Variants in VRK1 observed in about 807,000 individuals in gnomAD.
VRK1 encodes VRK serine/threonine kinase 1, also known as serine/threonine-protein kinase VRK1.
A neutral mutation model predicts 57.1 loss-of-function variants in VRK1; 33 were observed. That is an observed-to-expected ratio of 0.58 (90% CI 0.44 to 0.77). The LOEUF (loss-of-function observed/expected upper bound fraction) is 0.77. Ranked by LOEUF, VRK1 falls within the 30% of genes least tolerant of loss-of-function variation. The pLI is 0.00. For synonymous variants in VRK1, 137 were observed against 147.8 expected, an observed-to-expected ratio of 0.93 and a Z score of 0.53; for missense variants, 413 against 477.3, an observed-to-expected ratio of 0.87 and a Z score of 1.25.
chr14:96,849,399 C>T (rs1209782205), intron 5 of VRK1, among the ~76,000 whole-genome samples: 2 of 151,798 alleles, frequency 1.3e-5, no homozygotes, highest in African/African-American at 4.8e-5. Flanking sequence ...CATTTTTAGA[C>T]TTGGAATAAC....
At chr14:96,868,841 T>G (rs1164728702) in intron 11 of VRK1, among the ~76,000 whole-genome samples, 1 of 151,028 alleles carries the variant, frequency 6.6e-6, no homozygotes, top group Admixed American at 6.6e-5. Flanking sequence ...TTGCTCTTGT[T>G]GCCCAGGCTG....
chr14:96,844,833 C>A (rs1199364791), intron 3 of VRK1, among the ~76,000 whole-genome samples: 1 of 152,190 alleles, frequency 6.6e-6, no homozygotes, highest in Admixed American at 6.5e-5. Flanking sequence ...AGGCATGAGC[C>A]ACTATGCCAG....
chr14:96,875,306 C>T (rs11160372), intron 11 of VRK1, among the ~76,000 whole-genome samples: 2,105 of 152,150 alleles, frequency 0.014, 55 homozygotes, highest in African/African-American at 0.048. Flanking sequence ...TGGATGGTGA[C>T]AGAATATAAG....
chr14:96,802,259 G>A (rs779084388), intron 1 of VRK1, among the ~76,000 whole-genome samples: 10 of 152,096 alleles, frequency 6.6e-5, no homozygotes, highest in Non-Finnish European at 1.2e-4. Flanking sequence ...GCACTCCTGA[G>A]CCTTTATCCT....
intron 1 of VRK1, among the ~76,000 whole-genome samples, chr14:96,820,317 T>C (rs1427405394): frequency 6.6e-6 from 1 of 152,180 alleles, no homozygotes; most frequent in Non-Finnish European, 1.5e-5. Flanking sequence ...GCTGAATGAC[T>C]GTAGAATGGT....
At chr14:96,824,888 C>T (rs892514366) in intron 1 of VRK1, among the ~76,000 whole-genome samples, 12 of 151,988 alleles carry the variant, frequency 7.9e-5, no homozygotes, top group African/African-American at 2.4e-4. Flanking sequence ...CTCCTGACCT[C>T]GTGATCCACC....
At chr14:96,873,415 A>G (rs1351867544) in intron 11 of VRK1, among the ~76,000 whole-genome samples, 4 of 152,182 alleles carry the variant, frequency 2.6e-5, no homozygotes, top group Admixed American at 6.5e-5. Flanking sequence ...TGTGTAATAT[A>G]TATGCTGGTG....
intron 11 of VRK1, among the ~76,000 whole-genome samples, chr14:96,870,502 T>G (rs1213624885): frequency 6.6e-6 from 1 of 152,158 alleles, no homozygotes; most frequent in African/African-American, 2.4e-5. Context: ...TAGAATACAC[T>G]GACATATTAG....
At chr14:96,816,353 T>C (rs894040391) in intron 1 of VRK1, among the ~76,000 whole-genome samples, 2 of 152,208 alleles carry the variant, frequency 1.3e-5, no homozygotes, top group Non-Finnish European at 2.9e-5. Context: ...TGACTACCGC[T>C]GCTTTACCCA....
chr14:96,806,761 G>T (rs1454616846), intron 1 of VRK1, among the ~76,000 whole-genome samples: 1 of 152,024 alleles, frequency 6.6e-6, no homozygotes, highest in Non-Finnish European at 1.5e-5. Context: ...TTTTTCTCTG[G>T]AGAGGTATCT....
intron 5 of VRK1, among the ~76,000 whole-genome samples, chr14:96,850,362 C>G (rs185359592): frequency 6.6e-6 from 1 of 152,268 alleles, no homozygotes; most frequent in Non-Finnish European, 1.5e-5. Context: ...TTTTCTTTTA[C>G]TTGCACATTT....
chr14:96,878,914 T>C (rs531371391), intron 12 of VRK1, among the ~76,000 whole-genome samples: 2 of 152,294 alleles, frequency 1.3e-5, no homozygotes, highest in East Asian at 3.9e-4. Flanking sequence ...AGCCATGATA[T>C]TTATGGCTGG....
intron 11 of VRK1, among the ~76,000 whole-genome samples, chr14:96,861,984 C>G (rs1888406714): frequency 6.6e-6 from 1 of 152,124 alleles, no homozygotes; most frequent in Non-Finnish European, 1.5e-5. Context: ...TTATAGGTAG[C>G]TTGTATAGTG....
chr14:96,841,724 A>T (rs1887468702), intron 3 of VRK1, among the ~76,000 whole-genome samples: 1 of 151,984 alleles, frequency 6.6e-6, no homozygotes, highest in Non-Finnish European at 1.5e-5. Context: ...AATCCCAGCT[A>T]CTCAGGAGGC....
intron 1 of VRK1, among the ~76,000 whole-genome samples, chr14:96,830,796 C>CTCT (rs1886974454): frequency 6.6e-6 from 1 of 152,192 alleles, no homozygotes; most frequent in South Asian, 2.1e-4. Context: ...CTAGATCCCA[C>CTCT]TCTTCACTTG....
At chr14:96,867,979 T>C (rs1308901238) in intron 11 of VRK1, among the ~76,000 whole-genome samples, 3 of 152,198 alleles carry the variant, frequency 2.0e-5, no homozygotes, top group African/African-American at 4.8e-5. Flanking sequence ...TTCTGTGATA[T>C]TGCTTAGATT....
chr14:96,814,490 T>C (rs1886319077), intron 1 of VRK1, among the ~76,000 whole-genome samples: 2 of 152,144 alleles, frequency 1.3e-5, no homozygotes, highest in African/African-American at 2.4e-5. Context: ...GAAGAATTCT[T>C]AAAAAATACC....
intron 12 of VRK1, among the ~76,000 whole-genome samples, chr14:96,880,453 C>T (rs979758336): frequency 1.3e-5 from 2 of 152,088 alleles, no homozygotes; most frequent in Non-Finnish European, 2.9e-5. Context: ...ACTAGGCAGC[C>T]GTGATCAGGC....
At chr14:96,821,176 T>G (rs28472532) in intron 1 of VRK1, among the ~76,000 whole-genome samples, 2,202 of 152,308 alleles carry the variant, frequency 0.014, 56 homozygotes, top group African/African-American at 0.05. Context: ...GACTAAAGGT[T>G]GCATTTCCTT....
Sources: gnomAD v4.1 joint callset for allele counts (sites outside exome capture counted in the v4.1 genomes callset) on GRCh38, gnomAD v4.1.1 for gene constraint, MANE v1.5 for transcripts, NCBI Gene and HGNC (gene_info 2026-07-23, HGNC 2026-07-21) for gene names.